BTBD9: variants seen among roughly 807,000 people sequenced by gnomAD.
BTBD9 encodes BTB domain containing 9, also known as BTB/POZ domain-containing protein 9.
Under a neutral mutation model 64.3 loss-of-function variants are expected in BTBD9, and 49 were observed. That is an observed-to-expected ratio of 0.76 (90% confidence interval 0.61 to 0.97). The LOEUF (loss-of-function observed/expected upper bound fraction) is 0.97, where lower values mean the gene tolerates loss of function less well. Ranked by LOEUF, BTBD9 falls within the 50% of genes least tolerant of loss-of-function variation. BTBD9 has a pLI of 0.00. For synonymous variants in BTBD9, 260 were observed against 274.7 expected (o/e 0.95, Z 0.53); for missense variants, 598 against 762.1 (o/e 0.78, Z 2.53).
intron 6 of BTBD9, among the ~76,000 whole-genome samples, chr6:38,442,661 C>CTTTTTTTTT (rs11313452): frequency 1.0e-4 from 6 of 57,568 alleles, no homozygotes; most frequent in Non-Finnish European, 1.5e-4. Context: ...CATTTGTACT[C>CTTTTTTTTT]TTTTTTTTTT....
At chr6:38,532,333 G>A (rs1368934854) in intron 6 of BTBD9, among the ~76,000 whole-genome samples, 1 of 152,122 alleles carries the variant, frequency 6.6e-6, no homozygotes, top group Admixed American at 6.5e-5. Context: ...AGTTCTCTGG[G>A]ATCCTAAATA....
chr6:38,363,857 T>C (rs1439523317), intron 6 of BTBD9, among the ~76,000 whole-genome samples: 1 of 152,190 alleles, frequency 6.6e-6, no homozygotes, highest in South Asian at 2.1e-4. Context: ...TCTGGAATAA[T>C]AATGCTAATT....
chr6:38,183,032 T>G (rs1218882737), intron 10 of BTBD9, among the ~76,000 whole-genome samples: 2 of 150,744 alleles, frequency 1.3e-5, no homozygotes, highest in Non-Finnish European at 2.9e-5. Flanking sequence ...CAGGCTGGAG[T>G]GCAGTGGCAC....
At chr6:38,448,099 G>A (rs1769359371) in intron 6 of BTBD9, among the ~76,000 whole-genome samples, 1 of 152,212 alleles carries the variant, frequency 6.6e-6, no homozygotes, top group South Asian at 2.1e-4. Context: ...GGACATACGG[G>A]AGGAACCAAA....
intron 8 of BTBD9, among the ~76,000 whole-genome samples, chr6:38,258,888 T>C (rs1764700599): frequency 6.6e-6 from 1 of 152,236 alleles, no homozygotes; most frequent in East Asian, 1.9e-4. Context: ...AGATTCTGTC[T>C]CAAAAAAACA....
In BTBD9 at chr6:38,303,874, T is replaced by TATATATATATATATATAC. The variant is rs368257334; in HGVS notation, c.1265-15414_1265-15413insGTATATATATATATATAT. The stretch of plus-strand genomic sequence containing the variant: ...ATATATATATATATATATATATATA[T>TATATATATATATATATAC]ACACACACACACATGTGTATATATA... On this transcript the variant is annotated intron_variant, in intron 7 of 10. Transcript: ENST00000481247. Among the ~76,000 whole-genome samples the TATATATATATATATATAC allele has an allele frequency of 1.3e-3, 110 of 82,554 alleles. 2 individuals are homozygous for TATATATATATATATATAC. The highest frequency in any genetic ancestry group is 2.0e-3 in the Non-Finnish European group (85 of 42,544). 54.2% of individuals were successfully genotyped at this position (82,554 alleles called of 152,430 possible).
At chr6:38,458,802 T>C (rs938104743) in intron 6 of BTBD9, among the ~76,000 whole-genome samples, 17 of 152,130 alleles carry the variant, frequency 1.1e-4, no homozygotes, top group African/African-American at 4.1e-4. Flanking sequence ...TAATGGTAAA[T>C]TGAAGAATAT....
rs182485395 is a variant in BTBD9 at position 38,435,941 on chromosome 6, T to A, written c.1155-90848A>T. Among the ~76,000 whole-genome samples the A allele has an allele frequency of 1.2e-3, 184 of 151,712 alleles. 3 individuals are homozygous for A. Among genetic ancestry groups the A allele is most frequent in the Admixed American group, 4.6e-3 (71 of 15,272 alleles). ...ACCTTGGCCTCCCAAAGTGCTGGGATTACAGGTATGAGCCACCTCACCCAG... is the reference window on the plus strand; with the variant it reads ...ACCTTGGCCTCCCAAAGTGCTGGGAATACAGGTATGAGCCACCTCACCCAG... On this transcript the variant is annotated intron_variant, in intron 6 of 10. Coordinates refer to ENST00000481247, the MANE Select transcript of BTBD9 (RefSeq NM_001099272.2).
chr6:38,538,848 A>C (rs547292118), intron 6 of BTBD9, among the ~76,000 whole-genome samples: 2 of 151,520 alleles, frequency 1.3e-5, no homozygotes, highest in African/African-American at 4.9e-5. Flanking sequence ...CAGTGGTGCA[A>C]TCTCAGGTCA....
At chr6:38,391,815 C>G (rs1198936410) in intron 6 of BTBD9, among the ~76,000 whole-genome samples, 6 of 152,148 alleles carry the variant, frequency 3.9e-5, no homozygotes, top group African/African-American at 1.4e-4. Flanking sequence ...CCCGAACAGG[C>G]AGCTGGGTTT....
intron 6 of BTBD9, among the ~76,000 whole-genome samples, chr6:38,525,824 G>T (rs1192670375): frequency 6.6e-6 from 1 of 152,144 alleles, no homozygotes; most frequent in Non-Finnish European, 1.5e-5. Flanking sequence ...TCAAGATATG[G>T]CCTGGCTGCT....
intron 8 of BTBD9, among the ~76,000 whole-genome samples, chr6:38,258,361 G>C (rs1224062290): frequency 2.6e-5 from 4 of 152,106 alleles, no homozygotes; most frequent in Non-Finnish European, 5.9e-5. Flanking sequence ...TGCCACAGGG[G>C]AGACAGATAT....
intron 6 of BTBD9, among the ~76,000 whole-genome samples, chr6:38,351,271 G>C (rs1764495199): frequency 1.3e-5 from 2 of 152,192 alleles, no homozygotes; most frequent in Admixed American, 6.5e-5. Flanking sequence ...GCTAAGCAGA[G>C]GCTACTGTCT....
In BTBD9 at chr6:38,184,921, C is replaced by T. The variant is rs772040689; in HGVS notation, c.1641+7598G>A. Among the ~76,000 whole-genome samples the T allele has an allele frequency of 1.8e-4, 27 of 152,120 alleles. No individual in the cohort carries two copies. Among genetic ancestry groups the T allele is most frequent in the African/African-American group, 4.3e-4 (18 of 41,422 alleles). On this transcript the variant is annotated intron_variant, in intron 10 of 10. Transcript: ENST00000481247. This position sits in a 1 kb window ranked among gnomAD's most constrained non-coding sequence, Gnocchi z 4.4. ...TTCTGCCTCACTCCAGGCCCTGAGC[C>T]GAGTGGTCCTGGAGGGCAGCTCAAG...
chr6:38,492,190 C>T (rs1011960714), intron 6 of BTBD9, among the ~76,000 whole-genome samples: 5 of 152,170 alleles, frequency 3.3e-5, no homozygotes, highest in African/African-American at 7.2e-5. Flanking sequence ...CCTGGGATCT[C>T]GGTTCACAGT....
chr6:38,520,059 A>G (rs1256507634), intron 6 of BTBD9, among the ~76,000 whole-genome samples: 1 of 152,354 alleles, frequency 6.6e-6, no homozygotes, highest in African/African-American at 2.4e-5. Context: ...GTATAAAACT[A>G]TATACACACA....
rs1005863612 is a variant in BTBD9 at position 38,391,842 on chromosome 6, G to A, written c.1155-46749C>T. On this transcript the variant is annotated intron_variant, in intron 6 of 10. Coordinates refer to ENST00000481247, the MANE Select transcript of BTBD9 (RefSeq NM_001099272.2). ...GCTGGGTTTTTGCTCCTCTTACAGC[G>A]CCTCTCTCTCATTAAACAGTAGCTG... 2.6e-5 allele frequency among the ~76,000 whole-genome samples: 4 copies of A among 152,064 alleles called. No homozygotes were observed. The East Asian group carries it at 7.7e-4, about 29-fold the overall frequency.
chr6:38,436,268 C>T (rs1047271856), intron 6 of BTBD9, among the ~76,000 whole-genome samples: 6 of 151,890 alleles, frequency 4.0e-5, no homozygotes, highest in African/African-American at 1.5e-4. Context: ...TCCAAATCTC[C>T]CACGCTACTT....
intron 6 of BTBD9, among the ~76,000 whole-genome samples, chr6:38,550,554 G>C (rs1774751917): frequency 6.6e-6 from 1 of 152,072 alleles, no homozygotes; most frequent in Non-Finnish European, 1.5e-5. Flanking sequence ...CTGACCTCAT[G>C]ATCTGCCCAC....
Sources: allele counts gnomAD v4.1 joint callset (sites outside exome capture counted in the v4.1 genomes callset), GRCh38; gene constraint gnomAD v4.1.1; non-coding constraint Gnocchi (gnomAD v3.1); transcripts MANE v1.5; gene names NCBI Gene and HGNC (gene_info 2026-07-23, HGNC 2026-07-21).